The following ZNF675 variants were observed in gnomAD, a reference collection of about 807,000 sequenced individuals.
The protein encoded by ZNF675 is TRAF6 inhibitory zinc finger.
In ZNF675, 36 loss-of-function variants were observed where a neutral mutation model predicts 56.1. That is an observed-to-expected ratio of 0.64 (90% CI 0.49 to 0.85). The LOEUF (loss-of-function observed/expected upper bound fraction) is 0.85, where lower values mean the gene tolerates loss of function less well. Among genes scored for constraint, ZNF675 ranks in the 40% least tolerant of loss-of-function variants. The probability of loss-of-function intolerance (pLI) is 0.00; values close to 1 mark genes in which losing one functional copy is unlikely to be tolerated. For synonymous variants in ZNF675, 200 were observed against 218.9 expected, an observed-to-expected ratio of 0.91 and a Z score of 0.76; for missense variants, 663 against 654.2, an observed-to-expected ratio of 1.01 and a Z score of -0.15.
intron 1 of ZNF675, among the ~76,000 whole-genome samples, chr19:23,663,475 T>C (rs1020111150): frequency 1.3e-5 from 2 of 152,144 alleles, no homozygotes; most frequent in African/African-American, 2.4e-5. Flanking sequence ...GCAGATTACC[T>C]GAGGTCGGGA....
intron 1 of ZNF675, among the ~76,000 whole-genome samples, chr19:23,684,186 C>G (rs963770460): frequency 6.7e-6 from 1 of 149,614 alleles, no homozygotes; most frequent in African/African-American, 2.5e-5. Context: ...GGCTTGAACC[C>G]GGGAGGCAGA....
At chr19:23,683,924 C>T (rs542824615) in intron 1 of ZNF675, among the ~76,000 whole-genome samples, 43 of 151,968 alleles carry the variant, frequency 2.8e-4, no homozygotes, top group African/African-American at 8.9e-4. Context: ...ATATTTTCTT[C>T]CCTTTCAAAT....
At position 23,671,658 on chromosome 19, in the gene ZNF675, CCT is replaced by C. The variant is rs768410056; in HGVS notation, c.4-8502_4-8501del. 9.9e-5 allele frequency among the ~76,000 whole-genome samples: 15 copies of C among 151,652 alleles called. No individual in the cohort carries two copies. In the East Asian group the frequency reaches 2.7e-3, roughly 27 times the overall value. On this transcript the variant is annotated intron_variant, in intron 1 of 3. Transcript: ENST00000359788. ...GGGGCCTGGGATCTTCCTCACTGCCCCTGTCTAGGAACATCGTAGCAACCACA... is the reference window on the plus strand; with the variant it reads ...GGGGCCTGGGATCTTCCTCACTGCCCGTCTAGGAACATCGTAGCAACCACA...
chr19:23,663,654 T>C (rs1041970378), intron 1 of ZNF675, among the ~76,000 whole-genome samples: 75 of 152,220 alleles, frequency 4.9e-4, no homozygotes, highest in African/African-American at 1.7e-3. Context: ...TGAGTGGAGA[T>C]TGCAGTGAGC....
At chr19:23,662,703 G>A (rs1968095634) in intron 2 of ZNF675, among the ~76,000 whole-genome samples, 1 of 152,216 alleles carries the variant, frequency 6.6e-6, no homozygotes, top group African/African-American at 2.4e-5. Flanking sequence ...TGTTGGGACA[G>A]GCATGGTGGC....
intron 1 of ZNF675, among the ~76,000 whole-genome samples, chr19:23,670,210 C>T (rs372966878): frequency 3.9e-5 from 6 of 152,246 alleles, no homozygotes; most frequent in African/African-American, 1.4e-4. Flanking sequence ...ATCAATTTGA[C>T]CCTGACAATC....
At chr19:23,673,127 C>T (rs952116841) in intron 1 of ZNF675, among the ~76,000 whole-genome samples, 4 of 152,148 alleles carry the variant, frequency 2.6e-5, no homozygotes, top group Non-Finnish European at 5.9e-5. Flanking sequence ...ACTAAAAGGA[C>T]CTGCATTTCC....
intron 1 of ZNF675, among the ~76,000 whole-genome samples, chr19:23,685,122 G>T (rs535915735): frequency 1.3e-4 from 20 of 152,022 alleles, no homozygotes; most frequent in Non-Finnish European, 2.5e-4. Context: ...CCACCACCAC[G>T]CCCAGCTAAT....
At chr19:23,663,001 A>G in intron 2 of ZNF675, 31 bp downstream of exon 2, 1 of 1,541,544 alleles carries the variant, frequency 6.5e-7, no homozygotes, top group South Asian at 1.2e-5. Flanking sequence ...AACAAAAAAA[A>G]AAAGAAACTG....
chr19:23,653,113 T>C lies in ZNF675; in HGVS notation c.*113A>G. 1.0e-6 allele frequency: 1 copy of C among 985,166 alleles called. No individual in the cohort carries two copies. The highest frequency in any genetic ancestry group is 2.6e-5 in the East Asian group (1 of 38,958). The allele number at this position is 985,166 out of a possible 1,614,324, so 61.0% of individuals were successfully genotyped here. A position where few individuals can be genotyped will look rare whatever the true frequency, so the allele number is the denominator to read the frequency against. ...CCAGTATGAATTATCTTACATACAA[T>C]GAAGTGTGAAAACCATTTAAAGTCT... On this transcript the variant is annotated 3_prime_UTR_variant, in exon 4 of 4. Transcript: ENST00000359788.
At chr19:23,661,023 G>T (rs905007854) in intron 3 of ZNF675, among the ~76,000 whole-genome samples, 56 of 151,446 alleles carry the variant, frequency 3.7e-4, no homozygotes, top group African/African-American at 1.3e-3. Context: ...TCCACCTCCC[G>T]GGTTCAAGCG....
At chr19:23,666,002 A>G (rs1968146032) in intron 1 of ZNF675, among the ~76,000 whole-genome samples, 1 of 152,228 alleles carries the variant, frequency 6.6e-6, no homozygotes, top group Non-Finnish European at 1.5e-5. Context: ...AGAAGGCAGC[A>G]ACATCTAAAT....
intron 3 of ZNF675, among the ~76,000 whole-genome samples, chr19:23,658,995 ATC>A (rs1418795837): frequency 1.6e-4 from 24 of 145,654 alleles, no homozygotes; most frequent in East Asian, 1.6e-3. Context: ...AGAGATCGAG[ATC>A]TATATATATA....
chr19:23,671,933 T>C (rs1193910102), intron 1 of ZNF675, among the ~76,000 whole-genome samples: 1 of 152,126 alleles, frequency 6.6e-6, no homozygotes, highest in Non-Finnish European at 1.5e-5. Context: ...GATGACTTAT[T>C]TCTCTTGCAC....
intron 1 of ZNF675, among the ~76,000 whole-genome samples, chr19:23,670,796 A>C (rs1299685584): frequency 3.9e-5 from 6 of 152,124 alleles, no homozygotes; most frequent in African/African-American, 1.4e-4. Context: ...TCAAACTTTG[A>C]TCTCTCATGG....
chr19:23,686,831 A>C (rs887603973), intron 1 of ZNF675, among the ~76,000 whole-genome samples, 200 bp downstream of exon 1: 13 of 152,298 alleles, frequency 8.5e-5, no homozygotes, highest in Non-Finnish European at 1.8e-4. Context: ...TAGGCAGAGA[A>C]GAGACGGGAT....
chr19:23,666,224 TC>T (rs1164994650), intron 1 of ZNF675, among the ~76,000 whole-genome samples: 1 of 152,250 alleles, frequency 6.6e-6, no homozygotes, highest in African/African-American at 2.4e-5. Context: ...AAATTGGCTG[TC>T]CACAACCATT....
intron 1 of ZNF675, among the ~76,000 whole-genome samples, chr19:23,664,735 G>A (rs1035715868): frequency 1.3e-5 from 2 of 152,074 alleles, no homozygotes; most frequent in Admixed American, 6.6e-5. Context: ...CAGATCACTC[G>A]AGGCCAGGAA....
intron 1 of ZNF675, among the ~76,000 whole-genome samples, chr19:23,682,006 T>C (rs956468705): frequency 1.6e-5 from 1 of 61,450 alleles, no homozygotes; most frequent in Non-Finnish European, 3.3e-5. Context: ...CCTCTTATTA[T>C]GACTTAGATG....
Sources: allele counts gnomAD v4.1 joint callset (sites outside exome capture counted in the v4.1 genomes callset), GRCh38; gene constraint gnomAD v4.1.1; transcripts MANE v1.5; gene names NCBI Gene and HGNC (gene_info 2026-07-23, HGNC 2026-07-21).